The following GSE1 variants were observed in gnomAD, a reference collection of about 807,000 sequenced individuals.
GSE1 encodes the protein Gse1 coiled-coil protein.
Under a neutral mutation model 112.6 loss-of-function variants are expected in GSE1, and 32 were observed. That is an observed-to-expected ratio of 0.28 (90% CI 0.21 to 0.38). GSE1 has a LOEUF of 0.38. GSE1 is among the 10% of genes least tolerant of loss of function. The pLI, the probability that GSE1 is intolerant of heterozygous loss-of-function variation, is 1.00. For synonymous variants in GSE1, 1,115 were observed against 735.6 expected (o/e 1.52, Z -8.35); for missense variants, 2,348 against 1,699.2 (o/e 1.38, Z -6.71).
intron 1 of GSE1, among the ~76,000 whole-genome samples, chr16:85,296,197 T>C (rs1182806903): frequency 6.6e-6 from 1 of 152,178 alleles, no homozygotes; most frequent in African/African-American, 2.4e-5. Context: ...GGACAGCCTG[T>C]GCGAACACTG....
At position 85,663,432 on chromosome 16, in the gene GSE1, T is replaced by C. The variant is rs1598672518; in HGVS notation, c.2462T>C (p.Met821Thr). The change falls in exon 11 of 16, where the codon ATG becomes ACG. Residue 821 changes from methionine (M) to threonine (T), a missense_variant. Transcript: ENST00000253458. The part of the protein sequence containing the change: ...VAQKRRKRRR[M>T]LRERSPSPPT... ...CAGAAGCGGAGGAAGCGGCGGAGGA[T>C]GCTGCGAGAGAGAAGCCCGTCGCCC... The C allele has an allele frequency of 5.6e-6, 9 of 1,613,766 alleles. No individual in the cohort carries two copies. In the East Asian group the frequency reaches 2.0e-4, roughly 36 times the overall value.
intron 1 of GSE1, among the ~76,000 whole-genome samples, chr16:85,264,331 C>T (rs559767712): frequency 4.6e-4 from 70 of 152,194 alleles, no homozygotes; most frequent in African/African-American, 1.4e-3. Flanking sequence ...CGGAGGACCC[C>T]GTCTCAGATG....
At chr16:85,432,484 C>T (rs369700497) in intron 2 of GSE1, among the ~76,000 whole-genome samples, 17 of 152,382 alleles carry the variant, frequency 1.1e-4, no homozygotes, top group South Asian at 4.1e-4. Context: ...CTGAGCTGCA[C>T]ATCCCAGAAC....
intron 1 of GSE1, among the ~76,000 whole-genome samples, chr16:85,194,201 G>T (rs896232674): frequency 1.3e-5 from 2 of 152,124 alleles, no homozygotes; most frequent in South Asian, 4.1e-4. Flanking sequence ...CTCCGTGTCC[G>T]GGCGCCCTTG....
chr16:85,491,032 C>T (rs1389992041), intron 2 of GSE1, among the ~76,000 whole-genome samples: 1 of 152,178 alleles, frequency 6.6e-6, no homozygotes, highest in Non-Finnish European at 1.5e-5. Context: ...CTCTGGCCGC[C>T]AGGGTACCCC....
chr16:85,346,606 T>TGACG (rs1567702901), intron 1 of GSE1, among the ~76,000 whole-genome samples: 1 of 143,294 alleles, frequency 7.0e-6, no homozygotes, highest in Non-Finnish European at 1.5e-5. Flanking sequence ...GATGGGTGGA[T>TGACG]GATGGATGGA....
chr16:85,525,325 A>G (rs2052332128), intron 2 of GSE1, among the ~76,000 whole-genome samples: 1 of 151,828 alleles, frequency 6.6e-6, no homozygotes, highest in Non-Finnish European at 1.5e-5. Context: ...CCCCTCTGTT[A>G]GCTGTGGGCC....
intron 1 of GSE1, among the ~76,000 whole-genome samples, chr16:85,182,953 C>T (rs1042713952): frequency 6.6e-5 from 10 of 152,146 alleles, no homozygotes; most frequent in Admixed American, 5.2e-4. Flanking sequence ...CACTTGTATG[C>T]GTACACGTTC....
At chr16:85,596,190 C>G (rs146095594) in intron 1 of GSE1, among the ~76,000 whole-genome samples, 1 of 152,186 alleles carries the variant, frequency 6.6e-6, no homozygotes, top group Middle Eastern at 3.4e-3. Context: ...CATCGCAGCT[C>G]GAAGGACGGA....
chr16:85,213,248 A>G (rs964931032), intron 1 of GSE1, among the ~76,000 whole-genome samples: 13 of 151,324 alleles, frequency 8.6e-5, no homozygotes, highest in African/African-American at 3.2e-4. Flanking sequence ...CAGCCTGGCA[A>G]CAGAGCAAGA....
At chr16:85,502,725 G>A (rs1409645581) in intron 2 of GSE1, among the ~76,000 whole-genome samples, 1 of 152,238 alleles carries the variant, frequency 6.6e-6, no homozygotes. Flanking sequence ...AGTTCAAGGA[G>A]TGAGCTGGGC....
intron 1 of GSE1, among the ~76,000 whole-genome samples, chr16:85,571,942 T>A (rs1370327858): frequency 2.0e-5 from 3 of 152,088 alleles, no homozygotes; most frequent in Non-Finnish European, 4.4e-5. Flanking sequence ...TGGTTTCCAT[T>A]GTCAAGTGGT....
At chr16:85,529,223 C>T (rs2052467916) in intron 2 of GSE1, among the ~76,000 whole-genome samples, 1 of 152,130 alleles carries the variant, frequency 6.6e-6, no homozygotes, top group Non-Finnish European at 1.5e-5. Flanking sequence ...AGGAGGTTTT[C>T]AGCAGAGAAG....
chr16:85,613,850 G>A (rs2048171226), intron 1 of GSE1, among the ~76,000 whole-genome samples: 1 of 129,838 alleles, frequency 7.7e-6, no homozygotes, highest in Non-Finnish European at 1.7e-5. Context: ...GGCCGAGGAA[G>A]CGGGGGTGTG....
intron 2 of GSE1, among the ~76,000 whole-genome samples, chr16:85,647,301 A>G (rs2050955787): frequency 6.6e-6 from 1 of 151,880 alleles, no homozygotes; most frequent in South Asian, 2.1e-4. Flanking sequence ...CCATTCTCCC[A>G]TCCCTGCTGC....
intron 2 of GSE1, among the ~76,000 whole-genome samples, chr16:85,548,761 C>T (rs2044795052): frequency 6.6e-6 from 1 of 152,164 alleles, no homozygotes; most frequent in South Asian, 2.1e-4. Flanking sequence ...AGTTTAGGCC[C>T]ACCCTAATCA....
At position 85,668,303 on chromosome 16, in the gene GSE1, C is replaced by G. The variant is rs1022864222; in HGVS notation, c.3294C>G (p.Asp1098Glu). 2.5e-6 allele frequency: 4 copies of G among 1,612,514 alleles called. No homozygotes were observed. The highest frequency in any genetic ancestry group is 2.2e-5 in the South Asian group (2 of 91,036). The change falls in exon 14 of 16, where the codon GAC becomes GAG. Residue 1098 changes from aspartate (D) to glutamate (E), a missense_variant. Asp to Glu is a conservative substitution (Grantham distance 45). Coordinates refer to ENST00000253458, the MANE Select transcript of GSE1 (RefSeq NM_014615.5). ...ARKGPPTQEL[D>E]RDSEEEEEED... is the part of the protein sequence containing the mutation. ...AGGGCCCCCCAACCCAGGAGTTGGA[C>G]CGGGACTCGGAGGAGGAGGAAGAGG...
At chr16:85,596,198 G>A (rs1360271047) in intron 1 of GSE1, among the ~76,000 whole-genome samples, 4 of 152,120 alleles carry the variant, frequency 2.6e-5, no homozygotes, top group Non-Finnish European at 4.4e-5. Context: ...CTCGAAGGAC[G>A]GATGCATCTG....
chr16:85,655,768 C>G lies in GSE1; in HGVS notation c.840C>G (p.Phe280Leu). ...SYCLSALRSP[F>L]YPIPTPGSLP... The stretch of plus-strand genomic sequence containing the variant: ...GCCTGTCTGCCCTGAGGTCCCCGTT[C>G]TACCCCATCCCCACCCCCGGCTCCC... Residue 280 changes from phenylalanine to leucine, a missense_variant, in exon 6 of 16, where the codon TTC becomes TTG. Phe to Leu is a conservative substitution (Grantham distance 22, BLOSUM62 0). Coordinates refer to ENST00000253458, the MANE Select transcript of GSE1 (RefSeq NM_014615.5). 4.3e-6 allele frequency: 7 copies of G among 1,610,190 alleles called. No individual in the cohort carries two copies. The highest frequency in any genetic ancestry group is 5.9e-6 in the Non-Finnish European group (7 of 1,178,360).
Sources: allele counts gnomAD v4.1 joint callset (sites outside exome capture counted in the v4.1 genomes callset), GRCh38; gene constraint gnomAD v4.1.1; transcripts MANE v1.5; gene names NCBI Gene and HGNC (gene_info 2026-07-23, HGNC 2026-07-21).